GSE1: variants seen among roughly 807,000 people sequenced by gnomAD.
GSE1 encodes the protein Gse1 coiled-coil protein.
A neutral mutation model predicts 112.6 loss-of-function variants in GSE1; 32 were observed. That is an observed-to-expected ratio of 0.28 (90% confidence interval 0.21 to 0.38). The LOEUF (loss-of-function observed/expected upper bound fraction) is 0.38. Ranked by LOEUF, GSE1 falls within the 10% of genes least tolerant of loss-of-function variation. The pLI is 1.00. For synonymous variants in GSE1, 1,115 were observed against 735.6 expected (o/e 1.52, Z -8.35); for missense variants, 2,348 against 1,699.2 (o/e 1.38, Z -6.71).
intron 2 of GSE1, among the ~76,000 whole-genome samples, chr16:85,468,916 A>T (rs914804438): frequency 6.6e-6 from 1 of 152,228 alleles, no homozygotes; most frequent in Non-Finnish European, 1.5e-5. Flanking sequence ...GTTTCTTTGC[A>T]GGTGTAATTA....
At chr16:85,652,926 G>A (rs2051496911) in intron 3 of GSE1, among the ~76,000 whole-genome samples, 11 of 152,024 alleles carry the variant, frequency 7.2e-5, no homozygotes, top group Admixed American at 6.5e-4. Context: ...CTGATCAGCA[G>A]TCGTTACCTG....
intron 2 of GSE1, among the ~76,000 whole-genome samples, chr16:85,637,488 T>C (rs1220466867): frequency 2.0e-5 from 3 of 151,000 alleles, no homozygotes; most frequent in Non-Finnish European, 4.4e-5. Flanking sequence ...GCAGTGGCTA[T>C]GTATCGAGTC....
intron 2 of GSE1, among the ~76,000 whole-genome samples, chr16:85,380,885 C>G (rs1311271737): frequency 6.6e-6 from 1 of 152,274 alleles, no homozygotes. Flanking sequence ...TTCCAGTGGG[C>G]ATGGGAACGC....
chr16:85,318,806 A>C (rs1441304191), intron 1 of GSE1, among the ~76,000 whole-genome samples: 1 of 152,218 alleles, frequency 6.6e-6, no homozygotes, highest in Non-Finnish European at 1.5e-5. Context: ...GTAGTGTCGC[A>C]GGAGACACAG....
chr16:85,335,092 C>T (rs74405358), intron 1 of GSE1, among the ~76,000 whole-genome samples: 8,111 of 152,302 alleles, frequency 0.053, 285 homozygotes, highest in Admixed American at 0.087. Flanking sequence ...GTGGGACTCC[C>T]GTGCCTGCGC....
chr16:85,411,536 AG>A (rs1474933896), intron 2 of GSE1, among the ~76,000 whole-genome samples: 1 of 23,620 alleles, frequency 4.2e-5, no homozygotes. Context: ...CGTTACACTC[AG>A]GGCCCCCCTG....
intron 2 of GSE1, among the ~76,000 whole-genome samples, chr16:85,635,568 C>T (rs79334094): frequency 0.011 from 1,613 of 152,272 alleles, 24 homozygotes; most frequent in East Asian, 0.027. Context: ...AGCTTGGAGT[C>T]GAGACTCGGG....
At chr16:85,372,246 G>T (rs563583773) in intron 2 of GSE1, among the ~76,000 whole-genome samples, 1 of 152,214 alleles carries the variant, frequency 6.6e-6, no homozygotes, top group African/African-American at 2.4e-5. Flanking sequence ...TGAGATCAAG[G>T]TGGGCAGATC....
At chr16:85,398,866 G>A (rs954302197) in intron 2 of GSE1, among the ~76,000 whole-genome samples, 1 of 152,134 alleles carries the variant, frequency 6.6e-6, no homozygotes, top group Non-Finnish European at 1.5e-5. Context: ...TATAATGCAT[G>A]TCGAGTGCGC....
chr16:85,333,477 G>A (rs751608891), intron 1 of GSE1, among the ~76,000 whole-genome samples: 1 of 152,160 alleles, frequency 6.6e-6, no homozygotes, highest in Non-Finnish European at 1.5e-5. Context: ...GCCCGGCCTC[G>A]GGCCCTTCCA....
At chr16:85,385,461 A>G (rs1322814832) in intron 2 of GSE1, among the ~76,000 whole-genome samples, 3 of 151,942 alleles carry the variant, frequency 2.0e-5, no homozygotes, top group African/African-American at 7.3e-5. Flanking sequence ...GGTGGGACAT[A>G]CTTGCCTCCC....
In GSE1 at chr16:85,489,023, A is replaced by G. The variant is rs112398610; in HGVS notation, c.2464+131380A>G. ...GCAACATGGTACAAATTACACCAGG[A>G]GAAGCGGGTCCAGAGCTGCCGTCCG... is the stretch of plus-strand genomic sequence containing the variant. On this transcript the variant is annotated intron_variant, in intron 2 of 2. Coordinates refer to the GSE1 transcript ENST00000637419. Among the ~76,000 whole-genome samples the G allele has an allele frequency of 8.0e-3, 1,221 of 152,226 alleles. 18 individuals carry two copies. Among genetic ancestry groups the G allele is most frequent in the African/African-American group, 0.028 (1,163 of 41,530 alleles).
chr16:85,304,603 G>GGGT (rs1555557430), intron 1 of GSE1, among the ~76,000 whole-genome samples: 2 of 126,164 alleles, frequency 1.6e-5, no homozygotes, highest in East Asian at 2.7e-4. Flanking sequence ...GCCGGGGGCG[G>GGGT]GGGGGTGGGG....
intron 1 of GSE1, among the ~76,000 whole-genome samples, chr16:85,628,167 G>A (rs1266877026): frequency 2.0e-5 from 3 of 152,192 alleles, no homozygotes; most frequent in Non-Finnish European, 4.4e-5. Context: ...GGCTGCTGCG[G>A]CCCCCGCCCC....
At chr16:85,647,613 A>C (rs981524249) in intron 2 of GSE1, among the ~76,000 whole-genome samples, 1 of 152,068 alleles carries the variant, frequency 6.6e-6, no homozygotes, top group Non-Finnish European at 1.5e-5. Flanking sequence ...TTTGAGACGA[A>C]GTCTCGCTCT....
chr16:85,532,107 A>G (rs543164563), intron 2 of GSE1, among the ~76,000 whole-genome samples: 52 of 152,254 alleles, frequency 3.4e-4, no homozygotes, highest in Non-Finnish European at 4.3e-4. Context: ...CTCCATTTTA[A>G]TATGGTTTGT....
chr16:85,225,635 A>G (rs918719999), intron 1 of GSE1, among the ~76,000 whole-genome samples: 1 of 152,196 alleles, frequency 6.6e-6, no homozygotes, highest in African/African-American at 2.4e-5. Context: ...CCACAAGGAT[A>G]CATTCATTCC....
At chr16:85,520,415 C>T (rs1398200458) in intron 2 of GSE1, among the ~76,000 whole-genome samples, 1 of 151,714 alleles carries the variant, frequency 6.6e-6, no homozygotes, top group Non-Finnish European at 1.5e-5. Context: ...GGGATCTTTC[C>T]AGCCCTGCTC....
At chr16:85,511,560 T>C (rs917637377) in intron 2 of GSE1, among the ~76,000 whole-genome samples, 3 of 148,144 alleles carry the variant, frequency 2.0e-5, no homozygotes, top group African/African-American at 7.5e-5. Context: ...GCCTGGCAAA[T>C]GATGCCCAGG....
Sources: allele counts gnomAD v4.1 joint callset (sites outside exome capture counted in the v4.1 genomes callset), GRCh38; gene constraint gnomAD v4.1.1; transcripts MANE v1.5; gene names NCBI Gene and HGNC (gene_info 2026-07-23, HGNC 2026-07-21).